The following GLT1D1 variants were observed in gnomAD, a reference collection of about 807,000 sequenced individuals.
The protein encoded by GLT1D1 is glycosyltransferase 1 domain-containing protein 1.
GLT1D1 carries 21 observed loss-of-function variants against 28.7 expected under a neutral mutation model. That is an observed-to-expected ratio of 0.73 (90% CI 0.52 to 1.05). The LOEUF (loss-of-function observed/expected upper bound fraction) is 1.05. Among genes scored for constraint, GLT1D1 ranks in the 50% least tolerant of loss-of-function variants. The pLI is 0.00. For synonymous variants in GLT1D1, 147 were observed against 124.8 expected (o/e 1.18, Z -1.19); for missense variants, 343 against 330.6 (o/e 1.04, Z -0.29).
chr12:128,869,692 A>G (rs12314655), intron 1 of GLT1D1, among the ~76,000 whole-genome samples: 4,154 of 152,188 alleles, frequency 0.027, 192 homozygotes, highest in African/African-American at 0.093. Context: ...TTTAGTGCTC[A>G]GCTGCCCCAG....
At chr12:128,927,698 G>A (rs185929977) in intron 4 of GLT1D1, among the ~76,000 whole-genome samples, 89 of 151,906 alleles carry the variant, frequency 5.9e-4, no homozygotes, top group African/African-American at 2.0e-3. Flanking sequence ...TAACTTCTAC[G>A]GAAATACAGA....
At chr12:128,872,112 C>T (rs1189153148) in intron 1 of GLT1D1, among the ~76,000 whole-genome samples, 1 of 152,076 alleles carries the variant, frequency 6.6e-6, no homozygotes, top group Non-Finnish European at 1.5e-5. Flanking sequence ...CCACCATGCC[C>T]AGCTAATTTT....
intron 7 of GLT1D1, among the ~76,000 whole-genome samples, chr12:128,979,903 G>T (rs1333634145): frequency 1.3e-5 from 2 of 152,210 alleles, no homozygotes; most frequent in Non-Finnish European, 2.9e-5. Flanking sequence ...GTACGGTTTT[G>T]CATATCTCAT....
At chr12:128,921,896 T>C (rs530445058) in intron 4 of GLT1D1, among the ~76,000 whole-genome samples, 76 of 151,580 alleles carry the variant, frequency 5.0e-4, no homozygotes, top group African/African-American at 1.8e-3. Context: ...TCTTTGTAGA[T>C]TGTTTGTTTG....
intron 7 of GLT1D1, among the ~76,000 whole-genome samples, chr12:128,977,625 C>T (rs1415353537): frequency 4.6e-5 from 7 of 152,124 alleles, no homozygotes; most frequent in Non-Finnish European, 5.9e-5. Context: ...TGCTGGGCCC[C>T]GGAAGGCATT....
chr12:128,944,987 C>A lies in GLT1D1; in HGVS notation c.376-339C>A, dbSNP rs567165624. On this transcript the variant is annotated intron_variant, in intron 4 of 7. Coordinates refer to ENST00000281703, the MANE Select transcript of GLT1D1 (RefSeq NM_144669.3). ...ACAGGCCCCGGTGTGTGATGTTCCCCTCCCTGTGTCCATGTGTTCTCATTG... is the reference window on the plus strand; with the variant it reads ...ACAGGCCCCGGTGTGTGATGTTCCCATCCCTGTGTCCATGTGTTCTCATTG... 191 of 578,300 alleles carry A rather than the reference C, an allele frequency of 3.3e-4. No homozygotes were observed. In the African/African-American group the frequency reaches 3.3e-3, roughly 10 times the overall value. 35.8% of individuals were successfully genotyped at this position (578,300 alleles called of 1,614,324 possible). A position where few individuals can be genotyped will look rare whatever the true frequency, so the allele number is the denominator to read the frequency against.
At chr12:128,891,424 G>A (rs1476672997) in intron 3 of GLT1D1, among the ~76,000 whole-genome samples, 1 of 152,136 alleles carries the variant, frequency 6.6e-6, no homozygotes, top group Non-Finnish European at 1.5e-5. Context: ...TTTACAGTTG[G>A]TCCAACAAGT....
chr12:128,901,724 C>G (rs367861956), intron 4 of GLT1D1, among the ~76,000 whole-genome samples: 1 of 150,622 alleles, frequency 6.6e-6, no homozygotes, highest in African/African-American at 2.5e-5. Context: ...CGTGAGCCAC[C>G]ATGCCTGGTC....
chr12:128,893,330 C>T lies in GLT1D1; in HGVS notation c.323+4586C>T, dbSNP rs114576508. On this transcript the variant is annotated intron_variant, in intron 3 of 7. Coordinates refer to ENST00000281703, the MANE Select transcript of GLT1D1 (RefSeq NM_144669.3). ...ATAAAATGAAACACCTCAAAAATAG[C>T]CTCATAAATAGGAAATCTATAGCAC... Among the ~76,000 whole-genome samples the T allele has an allele frequency of 6.1e-3, 925 of 152,134 alleles. 11 individuals are homozygous for T. The highest frequency in any genetic ancestry group is 0.021 in the African/African-American group (871 of 41,504).
chr12:128,898,910 G>C (rs1385653030), intron 3 of GLT1D1, among the ~76,000 whole-genome samples: 1 of 152,262 alleles, frequency 6.6e-6, no homozygotes, highest in South Asian at 2.1e-4. Context: ...TGGTCAGGGT[G>C]GATTAACCCA....
At chr12:128,974,306 C>T (rs2135549274) in intron 7 of GLT1D1, among the ~76,000 whole-genome samples, 1 of 152,252 alleles carries the variant, frequency 6.6e-6, no homozygotes, top group Non-Finnish European at 1.5e-5. Context: ...TCACAGATGG[C>T]AAGGGCTCTT....
intron 5 of GLT1D1, among the ~76,000 whole-genome samples, chr12:128,945,811 C>T (rs1875996538): frequency 6.6e-6 from 1 of 152,192 alleles, no homozygotes; most frequent in African/African-American, 2.4e-5. Context: ...CGGAGGCTTC[C>T]CTGAGACCTC....
At chr12:128,927,216 A>G in intron 4 of GLT1D1, 62 bp downstream of exon 8, 1 of 1,222,802 alleles carries the variant, frequency 8.2e-7, no homozygotes, top group Non-Finnish European at 1.2e-6. Context: ...CTTTTTATGT[A>G]TTTTCTACAA....
At chr12:128,939,843 C>CT (rs1555271970) in intron 4 of GLT1D1, among the ~76,000 whole-genome samples, 1 of 145,430 alleles carries the variant, frequency 6.9e-6, no homozygotes, top group Non-Finnish European at 1.5e-5. Context: ...AGAAACCCCC[C>CT]CCCACCGCCG....
intron 1 of GLT1D1, among the ~76,000 whole-genome samples, chr12:128,860,978 A>T (rs1453954795): frequency 6.6e-6 from 1 of 152,214 alleles, no homozygotes; most frequent in Non-Finnish European, 1.5e-5. Context: ...TGACACCTAG[A>T]GAACCAAGTT....
chr12:128,906,820 C>A, intron 4 of GLT1D1: 2 of 608,014 alleles, frequency 3.3e-6, no homozygotes, highest in Non-Finnish European at 6.1e-6. Flanking sequence ...GTAACTTCTT[C>A]AAGTTGCTGT....
rs145067519 is a variant in GLT1D1 at position 128,876,266 on chromosome 12, T to C, written c.217+204T>C. Among the ~76,000 whole-genome samples, 6 of 152,282 alleles carry C rather than the reference T, an allele frequency of 3.9e-5. No homozygotes were observed. The East Asian group carries it at 1.2e-3, about 29-fold the overall frequency. On this transcript the variant is annotated intron_variant, in intron 2 of 7. Transcript: ENST00000281703. ...CAAGAATGGATGTGTATTGAAACTG[T>C]TTTTACCATATTAAAAGTATCATCC...
At chr12:128,953,415 A>G (rs1355050887) in intron 6 of GLT1D1, among the ~76,000 whole-genome samples, 1 of 152,100 alleles carries the variant, frequency 6.6e-6, no homozygotes, top group African/African-American at 2.4e-5. Flanking sequence ...GGCCTCAAGC[A>G]ATTTTCCTGC....
At chr12:128,883,714 T>G (rs1252831985) in intron 2 of GLT1D1, among the ~76,000 whole-genome samples, 2 of 152,150 alleles carry the variant, frequency 1.3e-5, no homozygotes, top group Non-Finnish European at 2.9e-5. Context: ...ATAAGACCCT[T>G]ACGTGGGTGG....
Sources: gnomAD v4.1 joint callset for allele counts (sites outside exome capture counted in the v4.1 genomes callset) on GRCh38, gnomAD v4.1.1 for gene constraint, MANE v1.5 for transcripts, NCBI Gene and HGNC (gene_info 2026-07-23, HGNC 2026-07-21) for gene names.